The following MTUS2 variants were observed in gnomAD, a reference collection of about 807,000 sequenced individuals.
MTUS2 encodes microtubule-associated tumor suppressor candidate 2.
MTUS2 carries 40 observed loss-of-function variants against 114.1 expected under a neutral mutation model. That is an observed-to-expected ratio of 0.35 (90% CI 0.27 to 0.46). The LOEUF (loss-of-function observed/expected upper bound fraction) is 0.46. MTUS2 is among the 20% of genes least tolerant of loss of function. MTUS2 has a pLI of 1.00. For synonymous variants in MTUS2, 688 were observed against 672.0 expected, an observed-to-expected ratio of 1.02 and a Z score of -0.37; for missense variants, 1,679 against 1,705.4, an observed-to-expected ratio of 0.98 and a Z score of 0.27.
chr13:28,889,644 A>G (rs974055899), intron 2 of MTUS2, among the ~76,000 whole-genome samples: 1 of 151,454 alleles, frequency 6.6e-6, no homozygotes, highest in Admixed American at 6.6e-5. Flanking sequence ...AAGAAGAGGG[A>G]TTTTTTTTTC....
intron 8 of MTUS2, among the ~76,000 whole-genome samples, chr13:29,370,121 G>A (rs1871079484): frequency 6.6e-6 from 1 of 152,260 alleles, no homozygotes; most frequent in Non-Finnish European, 1.5e-5. Context: ...AGGCTGAGGT[G>A]GGTGGATCGC....
intron 3 of MTUS2, among the ~76,000 whole-genome samples, chr13:29,033,652 C>A (rs1886929072): frequency 1.3e-5 from 2 of 152,082 alleles, no homozygotes; most frequent in African/African-American, 2.4e-5. Flanking sequence ...CTTTTTAACT[C>A]CAGTGAACTA....
chr13:28,954,049 A>C (rs1245667660), intron 2 of MTUS2, among the ~76,000 whole-genome samples: 1 of 152,224 alleles, frequency 6.6e-6, no homozygotes, highest in Non-Finnish European at 1.5e-5. Flanking sequence ...TAAAAGTTTA[A>C]AATATGACAA....
chr13:29,477,792 G>C (rs112496925), intron 9 of MTUS2, among the ~76,000 whole-genome samples: 1 of 151,862 alleles, frequency 6.6e-6, no homozygotes, highest in South Asian at 2.1e-4. Context: ...TATATAATTG[G>C]TCCATTTTGG....
At chr13:29,053,138 G>T (rs1887978348) in intron 4 of MTUS2, among the ~76,000 whole-genome samples, 1 of 152,094 alleles carries the variant, frequency 6.6e-6, no homozygotes. Context: ...CAATGATAAT[G>T]ATACTAATGT....
intron 8 of MTUS2, among the ~76,000 whole-genome samples, chr13:29,414,485 AAAG>A (rs1297709766): frequency 6.6e-6 from 1 of 150,472 alleles, no homozygotes; most frequent in East Asian, 1.9e-4. Context: ...AAAAAAAAAA[AAAG>A]AAGACTGTAG....
At chr13:29,197,613 T>C (rs916173587) in intron 5 of MTUS2, among the ~76,000 whole-genome samples, 43 of 152,196 alleles carry the variant, frequency 2.8e-4, no homozygotes, top group African/African-American at 9.9e-4. Flanking sequence ...TATTTCTGGT[T>C]CTGAATCCTT....
intron 1 of MTUS2, among the ~76,000 whole-genome samples, chr13:28,826,438 G>A (rs1874275442): frequency 6.6e-6 from 1 of 152,142 alleles, no homozygotes; most frequent in South Asian, 2.1e-4. Context: ...AGAGAGGATA[G>A]GCTATATGAT....
intron 2 of MTUS2, among the ~76,000 whole-genome samples, chr13:28,896,827 G>T (rs1351157244): frequency 6.6e-6 from 1 of 152,198 alleles, no homozygotes; most frequent in Non-Finnish European, 1.5e-5. Context: ...AATAAATGGT[G>T]CTGGGAAGAC....
At chr13:28,926,747 T>C (rs755702948) in intron 2 of MTUS2, among the ~76,000 whole-genome samples, 1 of 152,148 alleles carries the variant, frequency 6.6e-6, no homozygotes, top group Non-Finnish European at 1.5e-5. Flanking sequence ...TATTAGAAAA[T>C]TTTCCCATAA....
chr13:28,852,763 G>T (rs548426771), intron 2 of MTUS2, among the ~76,000 whole-genome samples: 3 of 152,106 alleles, frequency 2.0e-5, no homozygotes, highest in Non-Finnish European at 2.9e-5. Context: ...TACTCCGGAG[G>T]CTGAGGAGGG....
At chr13:29,247,572 A>G (rs1896971815) in intron 5 of MTUS2, among the ~76,000 whole-genome samples, 2 of 152,216 alleles carry the variant, frequency 1.3e-5, no homozygotes, top group African/African-American at 4.8e-5. Flanking sequence ...AGAAAATCCC[A>G]TCAAAAAGTG....
intron 5 of MTUS2, among the ~76,000 whole-genome samples, chr13:29,177,735 G>T (rs780337048): frequency 1.3e-5 from 2 of 152,128 alleles, no homozygotes; most frequent in East Asian, 3.9e-4. Flanking sequence ...ACTGGAATAG[G>T]TCTTCTCCAG....
intron 2 of MTUS2, among the ~76,000 whole-genome samples, chr13:28,988,518 T>G (rs1273421532): frequency 6.6e-6 from 1 of 152,216 alleles, no homozygotes; most frequent in African/African-American, 2.4e-5. Context: ...TTAATTCATT[T>G]TGGAGAAAAC....
chr13:29,059,501 C>T (rs1185877564), intron 4 of MTUS2, among the ~76,000 whole-genome samples: 1 of 152,112 alleles, frequency 6.6e-6, no homozygotes, highest in Non-Finnish European at 1.5e-5. Context: ...TGCATCTGCC[C>T]ACAGAGTTCA....
intron 8 of MTUS2, among the ~76,000 whole-genome samples, chr13:29,429,395 TTC>T (rs1466233465): frequency 6.6e-6 from 1 of 152,242 alleles, no homozygotes. Flanking sequence ...AGTATAGTTG[TTC>T]TCTCTGTACT....
At chr13:29,310,852 G>A (rs1433819427) in intron 6 of MTUS2, among the ~76,000 whole-genome samples, 1 of 152,158 alleles carries the variant, frequency 6.6e-6, no homozygotes, top group Non-Finnish European at 1.5e-5. Flanking sequence ...TTCCATGTGT[G>A]CCATAATTTA....
intron 2 of MTUS2, among the ~76,000 whole-genome samples, chr13:28,986,524 C>T (rs1411237230): frequency 2.6e-5 from 4 of 152,158 alleles, no homozygotes; most frequent in Non-Finnish European, 5.9e-5. Flanking sequence ...ATGCAAAGAA[C>T]TAAGACAAAA....
chr13:29,006,444 A>G (rs1057149678), intron 2 of MTUS2, among the ~76,000 whole-genome samples: 5 of 152,096 alleles, frequency 3.3e-5, no homozygotes, highest in Admixed American at 6.5e-5. Context: ...TGTTATATAC[A>G]TTTTTTCCTA....
Sources: allele counts gnomAD v4.1 joint callset (sites outside exome capture counted in the v4.1 genomes callset), GRCh38; gene constraint gnomAD v4.1.1; transcripts MANE v1.5; gene names NCBI Gene and HGNC (gene_info 2026-07-23, HGNC 2026-07-21).